TRPC7: variants seen among roughly 807,000 people sequenced by gnomAD.
TRPC7 encodes transient receptor potential cation channel subfamily C member 7.
A neutral mutation model predicts 90.1 loss-of-function variants in TRPC7; 42 were observed. The ratio of observed to expected loss-of-function variants is 0.47; its 90% confidence interval spans 0.36 to 0.60. The LOEUF (loss-of-function observed/expected upper bound fraction) is 0.60, where lower values mean the gene tolerates loss of function less well. Among genes scored for constraint, TRPC7 ranks in the 20% least tolerant of loss-of-function variants. The pLI is 0.00. For synonymous variants in TRPC7, 451 were observed against 436.3 expected, an observed-to-expected ratio of 1.03 and a Z score of -0.42; for missense variants, 955 against 1,112.3, an observed-to-expected ratio of 0.86 and a Z score of 2.01.
intron 3 of TRPC7, among the ~76,000 whole-genome samples, chr5:136,302,157 G>C (rs981106315): frequency 1.1e-4 from 16 of 152,214 alleles, no homozygotes; most frequent in Non-Finnish European, 2.2e-4. Flanking sequence ...TCCTGCACCA[G>C]TCACGGACTG....
At chr5:136,305,587 T>C (rs1758593128) in intron 3 of TRPC7, among the ~76,000 whole-genome samples, 1 of 152,114 alleles carries the variant, frequency 6.6e-6, no homozygotes, top group African/African-American at 2.4e-5. Flanking sequence ...TTAGTCTAAA[T>C]AGACACTTTC....
chr5:136,354,259 G>GA (rs987809295), intron 2 of TRPC7, among the ~76,000 whole-genome samples: 50 of 151,468 alleles, frequency 3.3e-4, no homozygotes, highest in African/African-American at 1.1e-3. Context: ...TTACTGTACA[G>GA]AAAAAAACAA....
chr5:136,351,869 C>G (rs1349171627), intron 2 of TRPC7, among the ~76,000 whole-genome samples: 1 of 152,184 alleles, frequency 6.6e-6, no homozygotes, highest in African/African-American at 2.4e-5. Context: ...CATAATTCAT[C>G]AGCTATTTTT....
rs535227513 is a variant in TRPC7 at position 136,246,575 on chromosome 5, G to A, written c.1844+896C>T. Among the ~76,000 whole-genome samples, 525 of 152,298 alleles carry A rather than the reference G, an allele frequency of 3.4e-3. 1 individual carries two copies. The highest frequency in any genetic ancestry group is 5.6e-3 in the Non-Finnish European group (383 of 68,018). On this transcript the variant is annotated intron_variant, in intron 7 of 11. Transcript: ENST00000513104. Reference sequence around the variant, plus strand: ...TGGGCAGTGGCCAGGGAGCTGCCTGGATTTGCTTTCCCCATCTTCACTTCA... The same window carrying A: ...TGGGCAGTGGCCAGGGAGCTGCCTGAATTTGCTTTCCCCATCTTCACTTCA...
chr5:136,234,101 G>C (rs1302338343), intron 7 of TRPC7, among the ~76,000 whole-genome samples: 1 of 152,120 alleles, frequency 6.6e-6, no homozygotes, highest in Admixed American at 6.5e-5. Flanking sequence ...CTGTCTTCCA[G>C]ACAATCTTCA....
chr5:136,288,885 C>T (rs904544568), intron 3 of TRPC7, among the ~76,000 whole-genome samples: 1 of 152,208 alleles, frequency 6.6e-6, no homozygotes, highest in Non-Finnish European at 1.5e-5. Flanking sequence ...TCAGATTTCT[C>T]TGGGCAGTGG....
chr5:136,353,405 A>G (rs1760264015), intron 2 of TRPC7, among the ~76,000 whole-genome samples: 1 of 152,196 alleles, frequency 6.6e-6, no homozygotes, highest in South Asian at 2.1e-4. Flanking sequence ...GACATTTCCA[A>G]TGAGAATCTG....
intron 6 of TRPC7, among the ~76,000 whole-genome samples, chr5:136,250,462 C>T (rs1756484417): frequency 6.6e-6 from 1 of 152,208 alleles, no homozygotes; most frequent in Admixed American, 6.5e-5. Flanking sequence ...TAGCAATTGC[C>T]TACTAAGTGT....
intron 2 of TRPC7, among the ~76,000 whole-genome samples, chr5:136,319,032 C>G (rs951881298): frequency 2.6e-5 from 4 of 152,170 alleles, no homozygotes; most frequent in Non-Finnish European, 5.9e-5. Flanking sequence ...TGAGAACACA[C>G]AGCTGATTAT....
chr5:136,288,943 T>C (rs1238248797), intron 3 of TRPC7, among the ~76,000 whole-genome samples: 1 of 152,214 alleles, frequency 6.6e-6, no homozygotes, highest in Non-Finnish European at 1.5e-5. Context: ...GATTTGCTTG[T>C]TGGAACTTTG....
intron 3 of TRPC7, among the ~76,000 whole-genome samples, chr5:136,294,867 T>A (rs572186037): frequency 2.6e-5 from 4 of 152,316 alleles, no homozygotes; most frequent in African/African-American, 9.6e-5. Flanking sequence ...CTATTCACAA[T>A]AGCAAAGACT....
intron 2 of TRPC7, among the ~76,000 whole-genome samples, chr5:136,341,281 C>CT (rs1759836722): frequency 6.6e-6 from 1 of 152,012 alleles, no homozygotes; most frequent in South Asian, 2.1e-4. Context: ...TTGTGGAACA[C>CT]TACAGCTATT....
intron 4 of TRPC7, among the ~76,000 whole-genome samples, chr5:136,266,795 C>T (rs1354336047): frequency 6.6e-6 from 1 of 152,118 alleles, no homozygotes; most frequent in African/African-American, 2.4e-5. Context: ...ACTTTGAGTG[C>T]TCGGTTTTTG....
In TRPC7 at chr5:136,356,653, G is replaced by T; in HGVS notation, c.735C>A (p.Leu245=). Residue 245 remains leucine, a synonymous_variant, in exon 2 of 12, where the codon CTC becomes CTA. Coordinates refer to ENST00000513104, the MANE Select transcript of TRPC7 (RefSeq NM_020389.3). The part of the protein sequence containing the change: ...SEDPVLTALE[L]SNELARLANI... ...TGGCTAGTCTGGCTAACTCGTTGCT[G>T]AGCTCCAGGGCGGTGAGGACAGGGT... 1.9e-6 allele frequency: 3 copies of T among 1,562,676 alleles called. No homozygotes were observed. Among genetic ancestry groups the T allele is most frequent in the Middle Eastern group, 1.7e-4 (1 of 5,754 alleles).
chr5:136,231,325 A>T (rs1755806164), intron 8 of TRPC7, 29 bp downstream of exon 8: 1 of 1,553,132 alleles, frequency 6.4e-7, no homozygotes, highest in Non-Finnish European at 8.7e-7. Context: ...GATGAAGGAG[A>T]GCAAGCATTT....
chr5:136,247,777 C>T lies in TRPC7; in HGVS notation c.1580-42G>A. 1 of 1,591,082 alleles carries T rather than the reference C, an allele frequency of 6.3e-7. No individual in the cohort carries two copies. Among genetic ancestry groups the T allele is most frequent in the Non-Finnish European group, 8.6e-7 (1 of 1,167,982 alleles). On this transcript the variant is annotated intron_variant, in intron 6 of 11. Transcript: ENST00000513104. This position sits in a 1 kb window ranked among gnomAD's most constrained non-coding sequence, Gnocchi z 4.2. ...TGGGTTACTCACGAGGCCACAGGATCTATTCTAGAAGAGAAACCAGTTAGG... is the reference window on the plus strand; with the variant it reads ...TGGGTTACTCACGAGGCCACAGGATTTATTCTAGAAGAGAAACCAGTTAGG...
rs746322819 is a variant in TRPC7 at position 136,356,992 on chromosome 5, C to A, written c.396G>T (p.Ala132=). Residue 132 remains alanine, a synonymous_variant, in exon 2 of 12, where the codon GCG becomes GCT. Coordinates refer to ENST00000513104, the MANE Select transcript of TRPC7 (RefSeq NM_020389.3). The stretch of plus-strand genomic sequence containing the variant: ...GGCTGAGCGTCAGGCGCTGGCCCTG[C>A]GCGAAGGCCGGGTGGTTGAGGATGG... ...VEAILNHPAF[A]QGQRLTLSPL... 3.1e-6 allele frequency: 5 copies of A among 1,612,242 alleles called. No individual in the cohort carries two copies. The highest frequency in any genetic ancestry group is 4.2e-6 in the Non-Finnish European group (5 of 1,179,798).
chr5:136,308,908 A>G (rs1758737456), intron 3 of TRPC7, among the ~76,000 whole-genome samples: 1 of 152,142 alleles, frequency 6.6e-6, no homozygotes, highest in Admixed American at 6.5e-5. Flanking sequence ...AAGTTCTATT[A>G]ATAGTTTCAT....
In TRPC7 at chr5:136,252,027, G is replaced by A. The variant is rs1472681809; in HGVS notation, c.1346-145C>T. ...TCGATAGCCAGAGGCAGACAGAAAC[G>A]TGTTTTCAAAGGCAGATTTAGACCC... On this transcript the variant is annotated intron_variant, in intron 5 of 11. Coordinates refer to ENST00000513104, the MANE Select transcript of TRPC7 (RefSeq NM_020389.3). The A allele has an allele frequency of 1.1e-5, 7 of 666,422 alleles. No homozygotes were observed. The East Asian group carries it at 1.4e-4, about 13-fold the overall frequency. The allele number at this position is 666,422 out of a possible 1,614,324, so 41.3% of individuals were successfully genotyped here.
Sources: gnomAD v4.1 joint callset for allele counts (sites outside exome capture counted in the v4.1 genomes callset) on GRCh38, gnomAD v4.1.1 for gene constraint, Gnocchi (gnomAD v3.1) non-coding constraint, MANE v1.5 for transcripts, NCBI Gene and HGNC (gene_info 2026-07-23, HGNC 2026-07-21) for gene names.